ARHGAP28: variants seen among roughly 807,000 people sequenced by gnomAD.
ARHGAP28 encodes the protein rho GTPase-activating protein 28.
In ARHGAP28, 56 loss-of-function variants were observed where a neutral mutation model predicts 90.7. The ratio of observed to expected loss-of-function variants is 0.62; its 90% CI spans 0.50 to 0.77. The LOEUF (loss-of-function observed/expected upper bound fraction) is 0.77. Among genes scored for constraint, ARHGAP28 ranks in the 30% least tolerant of loss-of-function variants. The pLI, the probability that ARHGAP28 is intolerant of heterozygous loss-of-function variation, is 0.00. For missense variants in ARHGAP28, 869 were observed against 900.9 expected, an observed-to-expected ratio of 0.96 and a Z score of 0.45; for synonymous variants, 308 against 323.3, an observed-to-expected ratio of 0.95 and a Z score of 0.51.
intron 2 of ARHGAP28, among the ~76,000 whole-genome samples, chr18:6,833,569 G>C (rs1273535754): frequency 6.6e-6 from 1 of 152,012 alleles, no homozygotes; most frequent in East Asian, 1.9e-4. Flanking sequence ...GACAAGTTGG[G>C]TTTGTCTGAT....
intron 4 of ARHGAP28, among the ~76,000 whole-genome samples, chr18:6,856,424 T>G (rs185544473): frequency 9.2e-5 from 14 of 152,318 alleles, no homozygotes; most frequent in Admixed American, 9.2e-4. Context: ...TCAAATAATT[T>G]TTATGTTTTC....
intron 16 of ARHGAP28, chr18:6,898,007 T>C (rs574869492): frequency 2.0e-5 from 3 of 152,912 alleles, no homozygotes; most frequent in African/African-American, 7.2e-5. Context: ...CTGTGAATTG[T>C]TACCATTGTG....
chr18:6,868,145 G>C lies in ARHGAP28; in HGVS notation c.727-5G>C. 1 of 1,612,516 alleles carries C rather than the reference G, an allele frequency of 6.2e-7. No individual in the cohort carries two copies. Among genetic ancestry groups the C allele is most frequent in the South Asian group, 1.1e-5 (1 of 90,982 alleles). ...GTTTTGTGTTCATCTTCCTTTGCTT[G>C]GCAGGCTATACTTGAGACCATTCCA... is the stretch of plus-strand genomic sequence containing the variant. On this transcript the variant is annotated splice_region_variant and splice_polypyrimidine_tract_variant and intron_variant, in intron 5 of 17. Transcript: ENST00000383472.
rs753930092 is a variant in ARHGAP28, at chr18:6,870,662, T to G, written c.884T>G (p.Met295Arg). 1 of 1,612,568 alleles carries G rather than the reference T, an allele frequency of 6.2e-7. No individual in the cohort carries two copies. The highest frequency in any genetic ancestry group is 8.5e-7 in the Non-Finnish European group (1 of 1,178,920). The change falls in exon 7 of 18, where the codon ATG becomes AGG. Residue 295 changes from methionine to arginine, a missense_variant. Transcript: ENST00000383472. ...TCATTTGAAGTGTCTTATTCAGAAATGGTTACGGAGGCTCTAAAAAGAAAT... is the reference window on the plus strand; with the variant it reads ...TCATTTGAAGTGTCTTATTCAGAAAGGGTTACGGAGGCTCTAAAAAGAAAT... ...ELSFEVSYSE[M>R]VTEALKRNKL...
At chr18:6,896,291 T>C (rs2057304180) in intron 15 of ARHGAP28, among the ~76,000 whole-genome samples, 1 of 152,234 alleles carries the variant, frequency 6.6e-6, no homozygotes, top group Admixed American at 6.5e-5. Context: ...GACCTGACCA[T>C]GTGCAGTGAA....
At chr18:6,784,217 T>C (rs571188391) in intron 1 of ARHGAP28, among the ~76,000 whole-genome samples, 1 of 152,212 alleles carries the variant, frequency 6.6e-6, no homozygotes, top group African/African-American at 2.4e-5. Context: ...GTCTAAACTG[T>C]AGCCCAGCGG....
intron 1 of ARHGAP28, among the ~76,000 whole-genome samples, chr18:6,810,041 T>C (rs2056545621): frequency 6.6e-6 from 1 of 152,242 alleles, no homozygotes; most frequent in Non-Finnish European, 1.5e-5. Context: ...ATGGATACTT[T>C]GGAGAAATTT....
intron 17 of ARHGAP28, among the ~76,000 whole-genome samples, chr18:6,911,097 G>A (rs2057396313): frequency 6.6e-6 from 1 of 151,962 alleles, no homozygotes; most frequent in African/African-American, 2.4e-5. Context: ...GCCTCCCAAA[G>A]TGCTGGGATT....
chr18:6,768,824 C>T (rs2056220297), intron 1 of ARHGAP28, among the ~76,000 whole-genome samples: 1 of 152,132 alleles, frequency 6.6e-6, no homozygotes, highest in Non-Finnish European at 1.5e-5. Flanking sequence ...TGCTGCTGGT[C>T]TGGGCGGTTC....
intron 3 of ARHGAP28, among the ~76,000 whole-genome samples, chr18:6,846,281 A>G (rs1353398846): frequency 6.6e-6 from 1 of 152,080 alleles, no homozygotes; most frequent in Admixed American, 6.5e-5. Context: ...CCTTGATGTG[A>G]TGAAGATGGC....
intron 14 of ARHGAP28, among the ~76,000 whole-genome samples, chr18:6,893,809 AC>A (rs1248847202): frequency 1.3e-5 from 2 of 151,812 alleles, no homozygotes; most frequent in African/African-American, 4.8e-5. Context: ...ATAAAAGCAA[AC>A]ACTTAAAGAC....
At chr18:6,898,826 C>T (rs2057322735) in intron 16 of ARHGAP28, 1 of 1,019,020 alleles carries the variant, frequency 9.8e-7, no homozygotes, top group African/African-American at 1.7e-5. Flanking sequence ...TAAGTGGGAG[C>T]TAAGCTGTGA....
In ARHGAP28 at chr18:6,859,914, A is replaced by T; in HGVS notation, c.726+17A>T. 6.2e-7 allele frequency: 1 copy of T among 1,607,970 alleles called. No individual in the cohort carries two copies. The highest frequency in any genetic ancestry group is 8.5e-7 in the Non-Finnish European group (1 of 1,174,536). ...GACTCTGTGGTAAGTCATCCATGTC[A>T]GCACAGTTACATGTCAAGGTACAGT... is the stretch of plus-strand genomic sequence containing the variant. On this transcript the variant is annotated intron_variant, in intron 5 of 17. Coordinates refer to ENST00000383472, the MANE Select transcript of ARHGAP28 (RefSeq NM_001366230.1).
At chr18:6,731,525 C>T (rs1441002167) in intron 1 of ARHGAP28, among the ~76,000 whole-genome samples, 1 of 152,112 alleles carries the variant, frequency 6.6e-6, no homozygotes, top group Non-Finnish European at 1.5e-5. Context: ...TGAGAGCAAG[C>T]GTTACGTGTC....
chr18:6,850,767 G>A (rs1229265118), intron 3 of ARHGAP28: 2 of 1,499,896 alleles, frequency 1.3e-6, no homozygotes, highest in Admixed American at 2.2e-5. Flanking sequence ...CATAAGTTAG[G>A]AAAGAAAAGA....
At chr18:6,905,146 T>C (rs2057358510) in intron 16 of ARHGAP28, among the ~76,000 whole-genome samples, 1 of 152,088 alleles carries the variant, frequency 6.6e-6, no homozygotes, top group African/African-American at 2.4e-5. Flanking sequence ...GTATCTCTCA[T>C]AAATTTAGAA....
At chr18:6,844,884 A>G (rs942877700) in intron 3 of ARHGAP28, among the ~76,000 whole-genome samples, 1 of 152,226 alleles carries the variant, frequency 6.6e-6, no homozygotes, top group Non-Finnish European at 1.5e-5. Flanking sequence ...TTCACAAATA[A>G]TTATATGCCC....
At chr18:6,878,092 A>G (rs185864505) in intron 10 of ARHGAP28, among the ~76,000 whole-genome samples, 1 of 152,326 alleles carries the variant, frequency 6.6e-6, no homozygotes, top group African/African-American at 2.4e-5. Flanking sequence ...AAAACATTAC[A>G]GAGCATTGTC....
At chr18:6,749,727 T>C (rs1327890386) in intron 1 of ARHGAP28, among the ~76,000 whole-genome samples, 3 of 152,196 alleles carry the variant, frequency 2.0e-5, no homozygotes, top group Non-Finnish European at 4.4e-5. Flanking sequence ...GATTGTACTC[T>C]TTCTCAGGCC....
Sources: allele counts gnomAD v4.1 joint callset (sites outside exome capture counted in the v4.1 genomes callset), GRCh38; gene constraint gnomAD v4.1.1; transcripts MANE v1.5; gene names NCBI Gene and HGNC (gene_info 2026-07-23, HGNC 2026-07-21).